RBFOX1: variants seen among roughly 807,000 people sequenced by gnomAD.
RBFOX1 encodes the protein RNA binding fox-1 homolog 1.
Under a neutral mutation model 57.7 loss-of-function variants are expected in RBFOX1, and 8 were observed. That is an observed-to-expected ratio of 0.14 (90% CI 0.08 to 0.25). The LOEUF is 0.25. Among genes scored for constraint, RBFOX1 ranks in the 10% least tolerant of loss-of-function variants. RBFOX1 has a pLI of 1.00. For missense variants in RBFOX1, 611 were observed against 548.5 expected (o/e 1.11, Z -1.14); for synonymous variants, 326 against 222.4 (o/e 1.47, Z -4.15).
chr16:7,409,598 T>C (rs9930549), intron 4 of RBFOX1, among the ~76,000 whole-genome samples: 1 of 152,204 alleles, frequency 6.6e-6, no homozygotes, highest in Non-Finnish European at 1.5e-5. Flanking sequence ...GTAATACATA[T>C]TACGTTCGTT....
intron 2 of RBFOX1, among the ~76,000 whole-genome samples, chr16:6,329,540 C>G (rs2082758799): frequency 6.6e-6 from 1 of 152,120 alleles, no homozygotes; most frequent in Non-Finnish European, 1.5e-5. Flanking sequence ...GAAATAGTGA[C>G]AAAGGCGATT....
chr16:7,397,906 G>T (rs957025748), intron 4 of RBFOX1, among the ~76,000 whole-genome samples: 3 of 152,072 alleles, frequency 2.0e-5, no homozygotes, highest in African/African-American at 7.2e-5. Flanking sequence ...GAAACTACCT[G>T]ATTTTTTAGG....
At chr16:7,442,113 C>A (rs1021060924) in intron 4 of RBFOX1, among the ~76,000 whole-genome samples, 10 of 152,246 alleles carry the variant, frequency 6.6e-5, no homozygotes, top group Admixed American at 4.6e-4. Flanking sequence ...CTCCAGGTGC[C>A]CAGGGGTCTG....
intron 1 of RBFOX1, among the ~76,000 whole-genome samples, chr16:5,380,578 G>A (rs914834663): frequency 6.6e-6 from 1 of 152,254 alleles, no homozygotes; most frequent in African/African-American, 2.4e-5. Flanking sequence ...ACTAGGGTGT[G>A]AAAGCATTGC....
intron 3 of RBFOX1, among the ~76,000 whole-genome samples, chr16:6,872,834 T>C (rs1198093889): frequency 6.6e-6 from 1 of 152,164 alleles, no homozygotes; most frequent in Non-Finnish European, 1.5e-5. Flanking sequence ...TTTGGGTCTT[T>C]AAAAGAGTTA....
chr16:5,692,880 C>A (rs528621424), intron 3 of RBFOX1, among the ~76,000 whole-genome samples: 7 of 152,180 alleles, frequency 4.6e-5, no homozygotes, highest in African/African-American at 9.7e-5. Context: ...AAAGAGGTAT[C>A]AAAGGTGAAG....
intron 4 of RBFOX1, among the ~76,000 whole-genome samples, chr16:7,478,796 A>G (rs2063262769): frequency 6.6e-6 from 1 of 152,150 alleles, no homozygotes; most frequent in Admixed American, 6.5e-5. Context: ...AAATAAATGG[A>G]TCTAGTCTAG....
intron 4 of RBFOX1, among the ~76,000 whole-genome samples, chr16:7,436,733 T>C (rs560436980): frequency 1.3e-5 from 2 of 152,178 alleles, no homozygotes; most frequent in African/African-American, 4.8e-5. Flanking sequence ...AGCTAGAAAA[T>C]TATTTGGTCT....
intron 3 of RBFOX1, among the ~76,000 whole-genome samples, chr16:5,801,789 C>G (rs1428133608): frequency 6.6e-6 from 1 of 152,116 alleles, no homozygotes; most frequent in Non-Finnish European, 1.5e-5. Context: ...TGCTGACAGG[C>G]ACAGAGAGTG....
At chr16:7,700,621 G>C (rs1227917217) in intron 14 of RBFOX1, among the ~76,000 whole-genome samples, 1 of 152,192 alleles carries the variant, frequency 6.6e-6, no homozygotes, top group African/African-American at 2.4e-5. Flanking sequence ...AAACAAAGGA[G>C]AAATGAAATT....
intron 3 of RBFOX1, among the ~76,000 whole-genome samples, chr16:6,750,723 G>T (rs1275930557): frequency 6.6e-6 from 1 of 152,226 alleles, no homozygotes; most frequent in Non-Finnish European, 1.5e-5. Flanking sequence ...TATTGCTAAT[G>T]TTAAAGGGAT....
chr16:5,338,849 C>G (rs2064964554), intron 1 of RBFOX1, among the ~76,000 whole-genome samples: 2 of 152,180 alleles, frequency 1.3e-5, no homozygotes, highest in South Asian at 2.1e-4. Context: ...TGGGGTCTTA[C>G]TATGTTTCCC....
intron 3 of RBFOX1, among the ~76,000 whole-genome samples, chr16:6,753,974 G>T (rs762591359): frequency 1.3e-5 from 2 of 152,136 alleles, no homozygotes; most frequent in African/African-American, 2.4e-5. Context: ...GGAGCTGACT[G>T]TTGACTTGGA....
intron 1 of RBFOX1, among the ~76,000 whole-genome samples, chr16:6,215,883 G>A (rs2097332834): frequency 6.6e-6 from 1 of 152,148 alleles, no homozygotes; most frequent in African/African-American, 2.4e-5. Context: ...CCCACTGAAA[G>A]GATCCACAAG....
intron 4 of RBFOX1, among the ~76,000 whole-genome samples, chr16:5,957,365 C>T (rs2059664143): frequency 1.3e-5 from 2 of 152,090 alleles, no homozygotes; most frequent in African/African-American, 2.4e-5. Context: ...TAGGCATGTG[C>T]CACCATGCCC....
At chr16:7,268,714 T>G (rs1247714366) in intron 4 of RBFOX1, among the ~76,000 whole-genome samples, 2 of 152,086 alleles carry the variant, frequency 1.3e-5, no homozygotes, top group African/African-American at 4.8e-5. Flanking sequence ...TCCTTGGGAC[T>G]AGCCTTTTTC....
intron 2 of RBFOX1, among the ~76,000 whole-genome samples, chr16:6,518,760 C>CATCT (rs919416599): frequency 6.6e-6 from 1 of 151,270 alleles, no homozygotes; most frequent in East Asian, 2.0e-4. Context: ...TCTGTCTATC[C>CATCT]ATCTATCTAT....
At chr16:6,575,095 T>A (rs928960463) in intron 2 of RBFOX1, among the ~76,000 whole-genome samples, 9 of 151,418 alleles carry the variant, frequency 5.9e-5, no homozygotes, top group Non-Finnish European at 1.0e-4. Context: ...GTAGTTGCTT[T>A]GAGACATGGC....
chr16:6,401,226 C>T (rs1172487105), intron 2 of RBFOX1, among the ~76,000 whole-genome samples: 1 of 152,170 alleles, frequency 6.6e-6, no homozygotes, highest in Non-Finnish European at 1.5e-5. Flanking sequence ...GCCTCAGCTT[C>T]AAGTACCATC....
Sources: allele counts gnomAD v4.1 joint callset (sites outside exome capture counted in the v4.1 genomes callset), GRCh38; gene constraint gnomAD v4.1.1; transcripts MANE v1.5; gene names NCBI Gene and HGNC (gene_info 2026-07-23, HGNC 2026-07-21).